PAM: variants seen among roughly 807,000 people sequenced by gnomAD.
PAM encodes the protein peptidyl-glycine alpha-amidating monooxygenase.
A neutral mutation model predicts 122.1 loss-of-function variants in PAM; 72 were observed. That is an observed-to-expected ratio of 0.59 (90% CI 0.49 to 0.72). The LOEUF is 0.72. Ranked by LOEUF, PAM falls within the 30% of genes least tolerant of loss-of-function variation. The probability of loss-of-function intolerance (pLI) is 0.00; values close to 1 mark genes in which losing one functional copy is unlikely to be tolerated. For synonymous variants in PAM, 389 were observed against 404.4 expected, an observed-to-expected ratio of 0.96 and a Z score of 0.46; for missense variants, 1,106 against 1,183.7, an observed-to-expected ratio of 0.93 and a Z score of 0.96.
At chr5:102,782,966 C>T (rs900110599) in intron 1 of PAM, among the ~76,000 whole-genome samples, 1 of 151,610 alleles carries the variant, frequency 6.6e-6, no homozygotes, top group African/African-American at 2.4e-5. Context: ...TTGGCAGTAC[C>T]ACTTTTACAC....
chr5:102,996,603 T>C (rs549809538), intron 16 of PAM, among the ~76,000 whole-genome samples: 1 of 152,304 alleles, frequency 6.6e-6, no homozygotes, highest in African/African-American at 2.4e-5. Context: ...CATGTAACCG[T>C]CAGGGACCAG....
At chr5:102,851,427 C>A (rs1362407650) in intron 1 of PAM, among the ~76,000 whole-genome samples, 1 of 151,912 alleles carries the variant, frequency 6.6e-6, no homozygotes. Flanking sequence ...TATCTCATTA[C>A]AATGTAATAC....
In PAM at chr5:102,864,163, CAT is replaced by C. The variant is rs373189336; in HGVS notation, c.-373-1639_-373-1638del. ...AAATATTAAAATATAATCCCTTCTT[CAT>C]ATATATATATATATATATATTTTTT... On this transcript the variant is annotated intron_variant, in intron 1 of 25. Transcript: ENST00000438793. Among the ~76,000 whole-genome samples the C allele has an allele frequency of 3.1e-3, 440 of 140,568 alleles. 2 individuals carry two copies. Among genetic ancestry groups the C allele is most frequent in the South Asian group, 0.011 (50 of 4,394 alleles). 92.2% of individuals were successfully genotyped at this position (140,568 alleles called of 152,430 possible).
chr5:102,951,306 T>G (rs1357964185), intron 12 of PAM, among the ~76,000 whole-genome samples: 6 of 152,038 alleles, frequency 3.9e-5, no homozygotes, highest in Admixed American at 3.9e-4. Flanking sequence ...AAAAGAATGT[T>G]GAGCCTTTTA....
At chr5:102,994,657 T>A (rs1280769717) in intron 16 of PAM, among the ~76,000 whole-genome samples, 1 of 152,210 alleles carries the variant, frequency 6.6e-6, no homozygotes, top group Non-Finnish European at 1.5e-5. Context: ...TCCAAATATG[T>A]GTCAAAAATT....
intron 1 of PAM, among the ~76,000 whole-genome samples, chr5:102,782,703 T>TTCTCTC (rs370769198): frequency 3.7e-4 from 53 of 142,890 alleles, no homozygotes; most frequent in African/African-American, 1.2e-3. Flanking sequence ...CTTTCTCCAT[T>TTCTCTC]TCTCTCTCTC....
intron 3 of PAM, among the ~76,000 whole-genome samples, chr5:102,899,896 A>T (rs1797203044): frequency 6.6e-6 from 1 of 151,542 alleles, no homozygotes; most frequent in Admixed American, 6.6e-5. Flanking sequence ...TGGGTTTGTT[A>T]TTTGGGAGGA....
chr5:102,924,594 A>C (rs1748734376), intron 5 of PAM, among the ~76,000 whole-genome samples: 1 of 152,070 alleles, frequency 6.6e-6, no homozygotes, highest in Non-Finnish European at 1.5e-5. Context: ...TTTTTAGTCC[A>C]GATTTCTGCT....
chr5:102,813,518 G>C (rs1016949416), intron 1 of PAM, among the ~76,000 whole-genome samples: 3 of 152,088 alleles, frequency 2.0e-5, no homozygotes, highest in Admixed American at 1.3e-4. Flanking sequence ...TTTTCTCACT[G>C]ATCTTTCTCA....
intron 1 of PAM, among the ~76,000 whole-genome samples, chr5:102,844,265 G>A (rs116121758): frequency 0.02 from 2,986 of 152,254 alleles, 123 homozygotes; most frequent in African/African-American, 0.067. Flanking sequence ...TTTTGAGATG[G>A]AGAACAGATT....
chr5:102,929,045 A>T (rs1334130138), intron 7 of PAM, among the ~76,000 whole-genome samples: 1 of 152,192 alleles, frequency 6.6e-6, no homozygotes, highest in Non-Finnish European at 1.5e-5. Flanking sequence ...GCCCAAGAAA[A>T]AAAGGAAATG....
intron 5 of PAM, 44 bp downstream of exon 5, chr5:102,914,065 GT>G (rs1388820349): frequency 2.0e-6 from 2 of 1,021,930 alleles, no homozygotes; most frequent in Non-Finnish European, 3.1e-6. Flanking sequence ...TAGAAAATGT[GT>G]TTTACAAGTG....
chr5:102,986,757 G>A (rs1771957273), intron 15 of PAM, among the ~76,000 whole-genome samples: 3 of 152,072 alleles, frequency 2.0e-5, no homozygotes, highest in Admixed American at 2.0e-4. Flanking sequence ...ATTGAATCAT[G>A]GGGTCAGTTT....
At chr5:102,779,189 A>G (rs1757935182) in intron 1 of PAM, among the ~76,000 whole-genome samples, 1 of 151,684 alleles carries the variant, frequency 6.6e-6, no homozygotes, top group Admixed American at 6.6e-5. Flanking sequence ...TAACCTGCCT[A>G]AGTGTGTAAT....
At chr5:102,864,186 T>TATATATA (rs34022235) in intron 1 of PAM, among the ~76,000 whole-genome samples, 3 of 119,714 alleles carry the variant, frequency 2.5e-5, no homozygotes, top group Admixed American at 1.6e-4. Flanking sequence ...ATATATATAT[T>TATATATA]TTTTTTTTTT....
rs112724932 is a variant in PAM at position 102,791,383 on chromosome 5, T to G, written c.-374+36035T>G. ...TTTCCCAGCCTGAAATTAGCTTTCT[T>G]TTTTTTAACTGCCAATTCAAGAATA... is the stretch of plus-strand genomic sequence containing the variant. On this transcript the variant is annotated intron_variant, in intron 1 of 25. Transcript: ENST00000438793. Among the ~76,000 whole-genome samples, 340 of 152,138 alleles carry G rather than the reference T, an allele frequency of 2.2e-3. 1 individual carries two copies. Among genetic ancestry groups the G allele is most frequent in the African/African-American group, 7.7e-3 (319 of 41,562 alleles).
chr5:103,017,343 A>G lies in PAM; in HGVS notation c.2341A>G (p.Met781Val). The G allele has an allele frequency of 6.2e-7, 1 of 1,605,916 alleles. No individual in the cohort carries two copies. The highest frequency in any genetic ancestry group is 8.5e-7 in the Non-Finnish European group (1 of 1,172,740). The change falls in exon 22 of 26, where the codon ATG becomes GTG. Residue 781 changes from methionine (M) to valine (V), a missense_variant. Coordinates refer to ENST00000438793, the MANE Select transcript of PAM (RefSeq NM_001177306.2). ...CTTCTTATTTTGGCAGCACTTTGAT[A>G]TGCCTCATGATATTGTTGCATCTGA... Reference protein sequence around the residue: ...IFKPVRKHFDMPHDIVASEDG... With the variant: ...IFKPVRKHFDVPHDIVASEDG...
chr5:102,978,367 C>T (rs1328805527), intron 15 of PAM, among the ~76,000 whole-genome samples: 1 of 152,150 alleles, frequency 6.6e-6, no homozygotes, highest in African/African-American at 2.4e-5. Context: ...TCTTTTTAAA[C>T]TTAGTATAGT....
chr5:102,884,599 TTC>T (rs1285490389), intron 3 of PAM, among the ~76,000 whole-genome samples: 1 of 151,880 alleles, frequency 6.6e-6, no homozygotes, highest in African/African-American at 2.4e-5. Context: ...ACCAGAAAAA[TTC>T]TCTTTGTTTC....
Sources: allele counts gnomAD v4.1 joint callset (sites outside exome capture counted in the v4.1 genomes callset), GRCh38; gene constraint gnomAD v4.1.1; transcripts MANE v1.5; gene names NCBI Gene and HGNC (gene_info 2026-07-23, HGNC 2026-07-21).